Variants in CYFIP1 observed in about 807,000 individuals in gnomAD.
CYFIP1 encodes the protein cytoplasmic FMR1 interacting protein 1.
Under a neutral mutation model 163.5 loss-of-function variants are expected in CYFIP1, and 58 were observed. That is an observed-to-expected ratio of 0.35 (90% CI 0.29 to 0.44). The LOEUF is 0.44. Ranked by LOEUF, CYFIP1 falls within the 20% of genes least tolerant of loss-of-function variation. The probability of loss-of-function intolerance (pLI) is 1.00; values close to 1 mark genes in which losing one functional copy is unlikely to be tolerated. For missense variants in CYFIP1, 1,338 were observed against 1,653.8 expected (o/e 0.81, Z 3.31); for synonymous variants, 663 against 660.7 (o/e 1.00, Z -0.05).
intron 1 of CYFIP1, among the ~76,000 whole-genome samples, chr15:22,964,349 T>TCACACACACACACACACACACACA (rs1206406734): frequency 2.5e-5 from 1 of 39,560 alleles, no homozygotes; most frequent in Non-Finnish European, 5.0e-5. Context: ...CGCAACCTCA[T>TCACACACACACACACACACACACA]CACTCACACA....
intron 21 of CYFIP1, 134 bp from the exon 22 acceptor site, chr15:22,904,039 C>T (rs2060490544): frequency 7.8e-6 from 6 of 768,932 alleles, no homozygotes; most frequent in South Asian, 1.7e-5. Flanking sequence ...TGAGCGTAGG[C>T]TCTGACAGGT....
Position 22,907,250 on chromosome 15 carries a change from G to A in CYFIP1, c.2388+1944C>T, listed in dbSNP as rs565339136. On this transcript the variant is annotated intron_variant, in intron 21 of 30. Coordinates refer to ENST00000617928, the MANE Select transcript of CYFIP1 (RefSeq NM_014608.6). ...AGCTCTGTCTAAATTATTCTCTGTA[G>A]GCCACCAGCCTGGGCTCCTTGACTC... Among the ~76,000 whole-genome samples the A allele has an allele frequency of 1.6e-4, 24 of 152,242 alleles. No individual in the cohort carries two copies. The South Asian group carries it at 5.0e-3, about 32-fold the overall frequency.
chr15:22,914,203 G>A (rs972520885), intron 17 of CYFIP1, among the ~76,000 whole-genome samples: 1 of 152,064 alleles, frequency 6.6e-6, no homozygotes, highest in Non-Finnish European at 1.5e-5. Context: ...CAGCTCACGG[G>A]CATGGCCACC....
chr15:22,944,510 A>C (rs1290127979), intron 5 of CYFIP1, 48 bp downstream of exon 5: 1 of 1,300,262 alleles, frequency 7.7e-7, no homozygotes, highest in Non-Finnish European at 1.1e-6. Flanking sequence ...AGGGGTCAGC[A>C]ACCCACCCCT....
intron 1 of CYFIP1, among the ~76,000 whole-genome samples, chr15:22,958,389 T>C (rs1180973206): frequency 1.3e-5 from 2 of 152,158 alleles, no homozygotes; most frequent in Non-Finnish European, 2.9e-5. Flanking sequence ...CTTTCTTTAA[T>C]GCACAAAAAC....
intron 1 of CYFIP1, among the ~76,000 whole-genome samples, chr15:22,966,067 G>A (rs1166141663): frequency 1.3e-5 from 2 of 152,070 alleles, no homozygotes; most frequent in Non-Finnish European, 2.9e-5. Context: ...AAGGAGATTA[G>A]GTCGGGTGCA....
intron 6 of CYFIP1, among the ~76,000 whole-genome samples, chr15:22,941,830 C>T (rs2061902580): frequency 6.6e-6 from 1 of 152,116 alleles, no homozygotes. Context: ...CAACAACACA[C>T]ACACACAACT....
At chr15:22,871,140 A>G (rs1021824084) in intron 30 of CYFIP1, among the ~76,000 whole-genome samples, 1 of 152,310 alleles carries the variant, frequency 6.6e-6, no homozygotes, top group Admixed American at 6.5e-5. Context: ...AGATGGGCAG[A>G]TACAAATGCA....
At chr15:22,970,655 A>G (rs576760057) in intron 1 of CYFIP1, among the ~76,000 whole-genome samples, 23 of 152,336 alleles carry the variant, frequency 1.5e-4, no homozygotes, top group African/African-American at 5.5e-4. Context: ...GTGGCCAAAC[A>G]ATTTTCAACA....
intron 9 of CYFIP1, among the ~76,000 whole-genome samples, chr15:22,935,704 T>A (rs2061690294): frequency 6.6e-6 from 1 of 152,112 alleles, no homozygotes; most frequent in South Asian, 2.1e-4. Context: ...GAAGACCTCA[T>A]CTATGGCACA....
intron 22 of CYFIP1, among the ~76,000 whole-genome samples, chr15:22,902,515 A>G (rs1223304838): frequency 1.3e-5 from 2 of 152,250 alleles, no homozygotes; most frequent in African/African-American, 2.4e-5. Flanking sequence ...CCATTTTTCT[A>G]TAATTTTGAT....
intron 24 of CYFIP1, among the ~76,000 whole-genome samples, chr15:22,882,350 C>T (rs1001903450): frequency 1.3e-5 from 2 of 152,244 alleles, no homozygotes; most frequent in Non-Finnish European, 1.5e-5. Flanking sequence ...TCCAAGCTGC[C>T]ACATGTTTTG....
At chr15:22,906,627 G>A (rs1284376847) in intron 21 of CYFIP1, among the ~76,000 whole-genome samples, 1 of 151,890 alleles carries the variant, frequency 6.6e-6, no homozygotes, top group African/African-American at 2.4e-5. Flanking sequence ...CATCAAGCCT[G>A]GCTAATTTTT....
chr15:22,948,362 G>C (rs7402672), intron 1 of CYFIP1, among the ~76,000 whole-genome samples: 1 of 152,020 alleles, frequency 6.6e-6, no homozygotes, highest in African/African-American at 2.4e-5. Flanking sequence ...ACAGGGGGCA[G>C]GTCCAAGTGG....
Position 22,921,690 on chromosome 15 carries a change from C to T in CYFIP1, c.1360-2832G>A, listed in dbSNP as rs574628159. On this transcript the variant is annotated intron_variant, in intron 13 of 30. Transcript: ENST00000617928. ...AAATTGGCCAGAAGTAGCTTGAACCCGGGAGGTGAAGGTTGCAGTAAGCTG... is the reference window on the plus strand; with the variant it reads ...AAATTGGCCAGAAGTAGCTTGAACCTGGGAGGTGAAGGTTGCAGTAAGCTG... 1.4e-4 allele frequency among the ~76,000 whole-genome samples: 20 copies of T among 141,986 alleles called. No homozygotes were observed. In the South Asian group the frequency reaches 4.6e-3, roughly 33 times the overall value. The allele number at this position is 141,986 out of a possible 152,430, so 93.1% of individuals were successfully genotyped here. A position where few individuals can be genotyped will look rare whatever the true frequency, so the allele number is the denominator to read the frequency against.
intron 1 of CYFIP1, among the ~76,000 whole-genome samples, chr15:22,952,212 G>A (rs775763474): frequency 3.9e-5 from 6 of 152,112 alleles, no homozygotes; most frequent in Non-Finnish European, 8.8e-5. Context: ...GGAGAACAGT[G>A]GTGACAGGGG....
In CYFIP1 at chr15:22,867,097, C is replaced by T. The variant is rs1163705186; in HGVS notation, c.*2931G>A. On this transcript the variant is annotated 3_prime_UTR_variant, in exon 31 of 31. Transcript: ENST00000617928. ...TTGTAGAAGTATTTTACATTTTCAT[C>T]CCTTCTCCAAAAGCCGAATGCACTA... is the stretch of plus-strand genomic sequence containing the variant. The T allele has an allele frequency of 6.2e-6, 3 of 487,614 alleles. No individual in the cohort carries two copies. Among genetic ancestry groups the T allele is most frequent in the East Asian group, 3.2e-5 (1 of 31,498 alleles). The allele number at this position is 487,614 out of a possible 1,614,324, so 30.2% of individuals were successfully genotyped here.
At position 22,922,418 on chromosome 15, in the gene CYFIP1, C is replaced by T. The variant is rs138672500; in HGVS notation, c.1360-3560G>A. Among the ~76,000 whole-genome samples, 494 of 152,346 alleles carry T rather than the reference C, an allele frequency of 3.2e-3. 3 individuals are homozygous for T. The highest frequency in any genetic ancestry group is 0.011 in the African/African-American group (472 of 41,574). On this transcript the variant is annotated intron_variant, in intron 13 of 30. Transcript: ENST00000617928. ...CTGGGAGAAATAAGCACGTCCCGTG[C>T]AATTCCACTAGCAGGCACAGCTGGA...
intron 16 of CYFIP1, chr15:22,915,084 C>T: frequency 2.1e-6 from 1 of 478,446 alleles, no homozygotes; most frequent in Non-Finnish European, 3.7e-6. Context: ...GTAAAGCCAC[C>T]TCATCAACCC....
Sources: allele counts gnomAD v4.1 joint callset (sites outside exome capture counted in the v4.1 genomes callset), GRCh38; gene constraint gnomAD v4.1.1; transcripts MANE v1.5; gene names NCBI Gene and HGNC (gene_info 2026-07-23, HGNC 2026-07-21).